The following PAX5 variants were observed in gnomAD, a reference collection of about 807,000 sequenced individuals.
PAX5 encodes paired box protein Pax-5.
PAX5 carries 9 observed loss-of-function variants against 43.7 expected under a neutral mutation model. The ratio of observed to expected loss-of-function variants is 0.21; its 90% confidence interval spans 0.12 to 0.36. The LOEUF (loss-of-function observed/expected upper bound fraction) is 0.36. Among genes scored for constraint, PAX5 ranks in the 10% least tolerant of loss-of-function variants. The probability of loss-of-function intolerance (pLI) is 1.00; values close to 1 mark genes in which losing one functional copy is unlikely to be tolerated. For missense variants in PAX5, 383 were observed against 532.7 expected, an observed-to-expected ratio of 0.72 and a Z score of 2.77; for synonymous variants, 228 against 214.3, an observed-to-expected ratio of 1.06 and a Z score of -0.56.
intron 6 of PAX5, among the ~76,000 whole-genome samples, chr9:36,943,254 A>G (rs530268825): frequency 6.6e-6 from 1 of 152,294 alleles, no homozygotes; most frequent in East Asian, 1.9e-4. Context: ...GGGGGAGCCC[A>G]GGCAAAGATG....
chr9:36,983,496 TA>T (rs1251847987), intron 5 of PAX5, among the ~76,000 whole-genome samples: 1 of 152,242 alleles, frequency 6.6e-6, no homozygotes, highest in Admixed American at 6.5e-5. Flanking sequence ...ATTGGGGCAT[TA>T]AATCTATTTT....
At chr9:36,872,133 C>T (rs1043781368) in intron 8 of PAX5, among the ~76,000 whole-genome samples, 2 of 152,236 alleles carry the variant, frequency 1.3e-5, no homozygotes, top group African/African-American at 4.8e-5. Flanking sequence ...TGGCCTGCCC[C>T]AGCAGTTTCT....
intron 1 of PAX5, among the ~76,000 whole-genome samples, chr9:37,025,772 C>A (rs1333913533): frequency 6.6e-6 from 1 of 152,242 alleles, no homozygotes; most frequent in Non-Finnish European, 1.5e-5. Flanking sequence ...ACACACGCTG[C>A]GTCTTTCAGA....
At chr9:37,000,993 C>G (rs1837799737) in intron 5 of PAX5, among the ~76,000 whole-genome samples, 1 of 152,230 alleles carries the variant, frequency 6.6e-6, no homozygotes, top group Non-Finnish European at 1.5e-5. Context: ...GCCCAGGACA[C>G]AATCCCATTT....
intron 5 of PAX5, among the ~76,000 whole-genome samples, chr9:36,985,402 A>G (rs973810000): frequency 6.6e-6 from 1 of 152,200 alleles, no homozygotes; most frequent in African/African-American, 2.4e-5. Context: ...AGAACTGGAA[A>G]AGGGGACTCT....
chr9:36,972,363 A>G (rs1248019846), intron 5 of PAX5, among the ~76,000 whole-genome samples: 2 of 152,220 alleles, frequency 1.3e-5, no homozygotes, highest in East Asian at 3.8e-4. Context: ...GTGTGGGCCC[A>G]GGCAAGTTCC....
chr9:37,027,197 C>G (rs7029948), intron 1 of PAX5, among the ~76,000 whole-genome samples: 222 of 152,366 alleles, frequency 1.5e-3, no homozygotes, highest in African/African-American at 5.1e-3. Context: ...AACTTCCTCT[C>G]CGGCAGCGCG....
chr9:36,937,103 G>T (rs1015762081), intron 6 of PAX5, among the ~76,000 whole-genome samples: 2 of 152,156 alleles, frequency 1.3e-5, no homozygotes, highest in Non-Finnish European at 2.9e-5. Flanking sequence ...TTGCCATTCA[G>T]AAGACTCTAC....
At chr9:36,999,532 A>G (rs1837675762) in intron 5 of PAX5, among the ~76,000 whole-genome samples, 1 of 152,192 alleles carries the variant, frequency 6.6e-6, no homozygotes, top group Non-Finnish European at 1.5e-5. Context: ...GCAAAACTCA[A>G]GTCTAAGCTG....
chr9:36,956,119 A>G (rs4880044), intron 6 of PAX5, among the ~76,000 whole-genome samples: 88,551 of 151,974 alleles, frequency 0.58, 28,224 homozygotes, highest in East Asian at 0.79. Context: ...ATCTCTACTC[A>G]AAAGTCAATT....
intron 4 of PAX5, among the ~76,000 whole-genome samples, chr9:37,003,199 GCATTTCAC>G (rs1838089310): frequency 7.1e-6 from 1 of 140,354 alleles, no homozygotes; most frequent in Non-Finnish European, 1.5e-5. Flanking sequence ...TACTCGTTAG[GCATTTCAC>G]CACCTGCCTG....
At chr9:36,898,402 A>G (rs547464381) in intron 7 of PAX5, among the ~76,000 whole-genome samples, 3 of 152,222 alleles carry the variant, frequency 2.0e-5, no homozygotes, top group Admixed American at 2.0e-4. Context: ...CTGGAGAAGG[A>G]GGCACGTGGG....
chr9:37,001,836 T>C (rs1432029196), intron 5 of PAX5, among the ~76,000 whole-genome samples: 1 of 146,512 alleles, frequency 6.8e-6, no homozygotes, highest in East Asian at 2.0e-4. Flanking sequence ...TTTTTTTTTC[T>C]TTTCCTGACT....
intron 6 of PAX5, among the ~76,000 whole-genome samples, chr9:36,938,337 A>C (rs1588027325): frequency 6.6e-6 from 1 of 152,228 alleles, no homozygotes; most frequent in East Asian, 1.9e-4. Flanking sequence ...ACATGTAAAC[A>C]AACACACGTC....
Position 37,015,044 on chromosome 9 carries a change from C to T in PAX5, c.363G>A (p.Glu121=), listed in dbSNP as rs1314529906. Residue 121 remains glutamate, a synonymous_variant, in exon 3 of 10, where the codon GAG becomes GAA. Coordinates refer to ENST00000358127, the MANE Select transcript of PAX5 (RefSeq NM_016734.3). The surrounding 1 kb of genome is among the most constrained non-coding windows in gnomAD (Gnocchi z 4.4). Reference sequence around the variant, plus strand: ...GCACGGTGTCATTGTCACACACCCGCTCTGCCAGCAGCCGGTCCCTGATCT... The same window carrying T: ...GCACGGTGTCATTGTCACACACCCGTTCTGCCAGCAGCCGGTCCCTGATCT... ...AWEIRDRLLA[E]RVCDNDTVPS... The T allele has an allele frequency of 3.7e-6, 6 of 1,614,206 alleles. 1 individual carries two copies. The South Asian group carries it at 4.4e-5, about 12-fold the overall frequency.
chr9:36,906,510 C>A (rs1245047902), intron 7 of PAX5, among the ~76,000 whole-genome samples: 1 of 152,234 alleles, frequency 6.6e-6, no homozygotes, highest in African/African-American at 2.4e-5. Flanking sequence ...AGAAGGAACA[C>A]AGCCCACCAC....
chr9:36,898,437 C>G (rs938515814), intron 7 of PAX5, among the ~76,000 whole-genome samples: 7 of 152,140 alleles, frequency 4.6e-5, no homozygotes, highest in African/African-American at 1.4e-4. Context: ...GTGTAAAGGG[C>G]CTCTCTTCTT....
chr9:36,845,638 T>G (rs150384519), intron 9 of PAX5, among the ~76,000 whole-genome samples: 2,414 of 152,242 alleles, frequency 0.016, 33 homozygotes, highest in Non-Finnish European at 0.025. Context: ...CAAAATCCTT[T>G]GGACAGCCCA....
intron 7 of PAX5, among the ~76,000 whole-genome samples, chr9:36,886,325 A>G (rs1223411284): frequency 1.3e-5 from 2 of 152,084 alleles, no homozygotes; most frequent in Admixed American, 6.5e-5. Flanking sequence ...GCTGCCTGGA[A>G]CCTCTAAGAA....
Sources: allele counts gnomAD v4.1 joint callset (sites outside exome capture counted in the v4.1 genomes callset), GRCh38; gene constraint gnomAD v4.1.1; non-coding constraint Gnocchi (gnomAD v3.1); transcripts MANE v1.5; gene names NCBI Gene and HGNC (gene_info 2026-07-23, HGNC 2026-07-21).